CDK12: variants seen among roughly 807,000 people sequenced by gnomAD.
CDK12 encodes the protein cyclin-dependent kinase 12.
Under a neutral mutation model 133.8 loss-of-function variants are expected in CDK12, and 17 were observed. The ratio of observed to expected loss-of-function variants is 0.13; its 90% CI spans 0.09 to 0.19. CDK12 has a LOEUF of 0.19. CDK12 is among the 10% of genes least tolerant of loss of function. The pLI is 1.00. For missense variants in CDK12, 1,508 were observed against 1,818.7 expected, an observed-to-expected ratio of 0.83 and a Z score of 3.11; for synonymous variants, 694 against 683.6, an observed-to-expected ratio of 1.02 and a Z score of -0.24.
chr17:39,478,156 C>T (rs563486011), intron 2 of CDK12, among the ~76,000 whole-genome samples: 1 of 150,786 alleles, frequency 6.6e-6, no homozygotes, highest in East Asian at 1.9e-4. Context: ...CTTGGCATCC[C>T]TAAATGCTGG....
At chr17:39,484,470 A>G (rs1445038652) in intron 2 of CDK12, among the ~76,000 whole-genome samples, 2 of 152,258 alleles carry the variant, frequency 1.3e-5, no homozygotes, top group Non-Finnish European at 2.9e-5. Flanking sequence ...GCAACCCTTT[A>G]TAATACTGAG....
Position 39,466,615 on chromosome 17 carries a change from G to GAAAAAAAA in CDK12, c.1046+3531_1046+3538dup, listed in dbSNP as rs71147339. Among the ~76,000 whole-genome samples, 11 of 31,478 alleles carry GAAAAAAAA rather than the reference G, an allele frequency of 3.5e-4. 1 individual carries two copies. Among genetic ancestry groups the GAAAAAAAA allele is most frequent in the African/African-American group, 7.9e-4 (8 of 10,134 alleles). The allele number at this position is 31,478 out of a possible 152,430, so 20.7% of individuals were successfully genotyped here. On this transcript the variant is annotated intron_variant, in intron 1 of 13. Transcript: ENST00000447079. ...GGGCAACAAGAGTGAAACTCTATCT[G>GAAAAAAAA]AAAAAAAAAAAAAAAAAAAAAAAAA...
downstream of CDK12, among the ~76,000 whole-genome samples, chr17:39,536,074 G>C (rs1048726189): frequency 2.0e-5 from 3 of 152,132 alleles, no homozygotes; most frequent in Non-Finnish European, 4.4e-5. Flanking sequence ...ATTCTCTCAA[G>C]TAGGAGATTA....
intron 5 of CDK12, among the ~76,000 whole-genome samples, chr17:39,496,729 C>T (rs945466779): frequency 6.6e-6 from 1 of 151,870 alleles, no homozygotes; most frequent in Admixed American, 6.6e-5. Flanking sequence ...AACATAATAA[C>T]AATGCCTTGA....
intron 5 of CDK12, among the ~76,000 whole-genome samples, chr17:39,498,016 T>C (rs2052270762): frequency 6.6e-6 from 1 of 151,972 alleles, no homozygotes; most frequent in South Asian, 2.1e-4. Context: ...TCTTTCTTTT[T>C]TTTTTGGGAC....
Position 39,482,015 on chromosome 17 carries a change from C to CTTTTTTTTTTTTTTTTT in CDK12, c.1932-8526_1932-8525insTTTTTTTTTTTTTTTTT, listed in dbSNP as rs56340258. 3.9e-4 allele frequency among the ~76,000 whole-genome samples: 38 copies of CTTTTTTTTTTTTTTTTT among 96,244 alleles called. 3 individuals are homozygous for CTTTTTTTTTTTTTTTTT. Among genetic ancestry groups the CTTTTTTTTTTTTTTTTT allele is most frequent in the East Asian group, 9.9e-4 (3 of 3,030 alleles). 63.1% of individuals were successfully genotyped at this position (96,244 alleles called of 152,430 possible). The stretch of plus-strand genomic sequence containing the variant: ...GATTACAGGCATGAGCCTGGCTTGC[C>CTTTTTTTTTTTTTTTTT]TTTTTTTTTTTTTTTTAACAGAGTT... On this transcript the variant is annotated intron_variant, in intron 2 of 13. Coordinates refer to ENST00000447079, the MANE Select transcript of CDK12 (RefSeq NM_016507.4).
intron 2 of CDK12, among the ~76,000 whole-genome samples, chr17:39,489,349 C>T (rs145690282): frequency 1.9e-3 from 296 of 151,994 alleles, no homozygotes; most frequent in Non-Finnish European, 3.5e-3. Flanking sequence ...AGATTACAGG[C>T]GTGAGCCACC....
chr17:39,461,935 G>T lies in CDK12; in HGVS notation c.-137G>T, dbSNP rs1472502303. ...GGCGTCGGGAGGGAGGAGGAGCCTG[G>T]GCTACCGTCCCTGCCCTCCCCACCC... On this transcript the variant is annotated 5_prime_UTR_variant, in exon 1 of 14. Coordinates refer to ENST00000447079, the MANE Select transcript of CDK12 (RefSeq NM_016507.4). The T allele has an allele frequency of 9.2e-6, 6 of 654,336 alleles. No homozygotes were observed. The highest frequency in any genetic ancestry group is 1.6e-5 in the Non-Finnish European group (6 of 379,598). The allele number at this position is 654,336 out of a possible 1,614,324, so 40.5% of individuals were successfully genotyped here.
upstream of CDK12, chr17:39,544,496 G>A (rs1287498280): frequency 4.6e-6 from 1 of 217,006 alleles, no homozygotes; most frequent in Non-Finnish European, 8.7e-6. Flanking sequence ...TTTATTTTTT[G>A]AGACAGAGTC....
At chr17:39,482,122 T>G (rs1443270769) in intron 2 of CDK12, among the ~76,000 whole-genome samples, 2 of 150,282 alleles carry the variant, frequency 1.3e-5, no homozygotes, top group Non-Finnish European at 3.0e-5. Flanking sequence ...CAACCAATTC[T>G]CCTGCCTCAG....
chr17:39,492,917 G>A (rs1313114575), intron 4 of CDK12, 27 bp downstream of exon 4: 4 of 1,576,524 alleles, frequency 2.5e-6, no homozygotes, highest in South Asian at 2.3e-5. Context: ...AATTTTAGAT[G>A]TCAGAATGTT....
At chr17:39,506,212 A>ATTTTTTTTT (rs1177367409) in intron 6 of CDK12, among the ~76,000 whole-genome samples, 2 of 119,776 alleles carry the variant, frequency 1.7e-5, no homozygotes, top group African/African-American at 7.2e-5. Context: ...TGATTATATG[A>ATTTTTTTTT]TTTTTTTTTT....
Position 39,524,709 on chromosome 17 carries a change from G to C in CDK12, c.3131G>C (p.Ser1044Thr). 2 of 1,614,182 alleles carry C rather than the reference G, an allele frequency of 1.2e-6. No individual in the cohort carries two copies. The highest frequency in any genetic ancestry group is 2.2e-5 in the East Asian group (1 of 44,890). Reference sequence around the variant, plus strand: ...TGGCAGGATTGCCATGAGTTGTGGAGTAAGAAACGGCGACGTCAGCGACAA... The same window carrying C: ...TGGCAGGATTGCCATGAGTTGTGGACTAAGAAACGGCGACGTCAGCGACAA... ...PHWQDCHELW[S>T]KKRRRQRQSG... Residue 1044 changes from serine to threonine, a missense_variant, in exon 12 of 14, where the codon AGT becomes ACT. Transcript: ENST00000447079.
intron 2 of CDK12, among the ~76,000 whole-genome samples, chr17:39,485,511 A>G (rs913570786): frequency 6.9e-6 from 1 of 145,560 alleles, no homozygotes; most frequent in Non-Finnish European, 1.5e-5. Context: ...TCCCGGGTTC[A>G]GGTGATTCCC....
intron 2 of CDK12, among the ~76,000 whole-genome samples, chr17:39,474,181 G>A (rs550389188): frequency 6.6e-6 from 1 of 152,320 alleles, no homozygotes; most frequent in South Asian, 2.1e-4. Flanking sequence ...TTATTCTACT[G>A]TGATATTGTG....
At chr17:39,520,189 A>G in intron 11 of CDK12, 102 bp downstream of exon 11, 1 of 1,250,530 alleles carries the variant, frequency 8.0e-7, no homozygotes, top group Non-Finnish European at 1.1e-6. Flanking sequence ...ACCCAAATGA[A>G]GAGGTGTCTT....
chr17:39,554,613 A>G (rs1248042493), intron 2 of CDK12, among the ~76,000 whole-genome samples: 2 of 152,084 alleles, frequency 1.3e-5, no homozygotes, highest in Non-Finnish European at 2.9e-5. Flanking sequence ...GGGCACGGCA[A>G]ATCACACCTG....
At chr17:39,494,913 G>A (rs1304378382) in intron 5 of CDK12, among the ~76,000 whole-genome samples, 1 of 151,870 alleles carries the variant, frequency 6.6e-6, no homozygotes, top group Non-Finnish European at 1.5e-5. Flanking sequence ...GGGACTACAG[G>A]CGCCCGCCAC....
intron 2 of CDK12, among the ~76,000 whole-genome samples, chr17:39,489,353 AG>A (rs1425572237): frequency 2.0e-5 from 3 of 151,824 alleles, no homozygotes; most frequent in Non-Finnish European, 2.9e-5. Flanking sequence ...TACAGGCGTG[AG>A]CCACCGTGCC....
Sources: allele counts gnomAD v4.1 joint callset (sites outside exome capture counted in the v4.1 genomes callset), GRCh38; gene constraint gnomAD v4.1.1; transcripts MANE v1.5; gene names NCBI Gene and HGNC (gene_info 2026-07-23, HGNC 2026-07-21).